The following ARB2A variants were observed in gnomAD, a reference collection of about 807,000 sequenced individuals.
ARB2A encodes cotranscriptional regulator ARB2A.
At chr5:93,845,192 T>C in the ARB2A span, among the ~76,000 whole-genome samples, 1 of 152,246 alleles carries the variant, frequency 6.6e-6, no homozygotes, top group Admixed American at 6.5e-5. Context: ...TATTAGCTTA[T>C]CTTCAACTAG....
chr5:93,957,106 C>T, the ARB2A span, among the ~76,000 whole-genome samples: 1 of 152,106 alleles, frequency 6.6e-6, no homozygotes, highest in African/African-American at 2.4e-5. Flanking sequence ...AAATGACTTA[C>T]TATTGTAATG....
the ARB2A span, among the ~76,000 whole-genome samples, chr5:93,994,905 C>CTAAATAAA: frequency 3.9e-3 from 580 of 149,616 alleles, 5 homozygotes; most frequent in African/African-American, 0.014. Context: ...GACCCTGTCT[C>CTAAATAAA]TAAATAAATA....
the ARB2A span, among the ~76,000 whole-genome samples, chr5:93,792,687 TC>T: frequency 2.6e-5 from 3 of 114,020 alleles, no homozygotes; most frequent in South Asian, 9.2e-4. Context: ...AACATCACAC[TC>T]TGGGGACTGT....
At chr5:94,038,546 T>A in the ARB2A span, among the ~76,000 whole-genome samples, 2 of 152,106 alleles carry the variant, frequency 1.3e-5, no homozygotes, top group Admixed American at 1.3e-4. Context: ...ACTGTGTGAA[T>A]GTAAAGAATA....
chr5:93,709,627 T>C, the ARB2A span, among the ~76,000 whole-genome samples: 1 of 88,532 alleles, frequency 1.1e-5, no homozygotes, highest in African/African-American at 5.9e-5. Flanking sequence ...GGTGAGACTC[T>C]GTCACAAAAA....
At chr5:93,799,179 A>C in the ARB2A span, among the ~76,000 whole-genome samples, 1 of 152,134 alleles carries the variant, frequency 6.6e-6, no homozygotes, top group Admixed American at 6.6e-5. Flanking sequence ...TGAAAAGATA[A>C]CATTGCAATG....
the ARB2A span, among the ~76,000 whole-genome samples, chr5:94,012,637 C>T: frequency 2.0e-5 from 3 of 152,100 alleles, no homozygotes; most frequent in Admixed American, 6.5e-5. Flanking sequence ...GGGAGCGACT[C>T]AAGAGCAGAA....
chr5:93,791,012 T>C, the ARB2A span, among the ~76,000 whole-genome samples: 1 of 152,192 alleles, frequency 6.6e-6, no homozygotes, highest in African/African-American at 2.4e-5. Context: ...CATCTCTAAT[T>C]TCTAAAATGT....
At chr5:93,989,946 C>G in the ARB2A span, among the ~76,000 whole-genome samples, 1 of 152,044 alleles carries the variant, frequency 6.6e-6, no homozygotes, top group Non-Finnish European at 1.5e-5. Context: ...AACAAACAAT[C>G]TCAAAGGCAA....
chr5:94,104,865 T>C, the ARB2A span, among the ~76,000 whole-genome samples: 1 of 152,028 alleles, frequency 6.6e-6, no homozygotes, highest in Admixed American at 6.6e-5. Context: ...TCAGTAAATG[T>C]GATTCAACAC....
chr5:93,913,575 T>A, the ARB2A span, among the ~76,000 whole-genome samples: 1 of 151,902 alleles, frequency 6.6e-6, no homozygotes, highest in South Asian at 2.1e-4. Flanking sequence ...ATTGCTTACT[T>A]CCTTAGAAAA....
At chr5:93,880,492 T>A in the ARB2A span, among the ~76,000 whole-genome samples, 1 of 151,796 alleles carries the variant, frequency 6.6e-6, no homozygotes, top group African/African-American at 2.4e-5. Flanking sequence ...ATTTGAAATG[T>A]TACTACTATC....
At chr5:94,060,181 C>T in the ARB2A span, among the ~76,000 whole-genome samples, 2 of 151,924 alleles carry the variant, frequency 1.3e-5, no homozygotes, top group Admixed American at 6.6e-5. Context: ...AACATGACCC[C>T]GTCTCTACTT....
At chr5:93,758,766 T>C in the ARB2A span, among the ~76,000 whole-genome samples, 11 of 152,114 alleles carry the variant, frequency 7.2e-5, no homozygotes, top group Non-Finnish European at 1.6e-4. Context: ...GGAAAGTTTA[T>C]AGCCCTAAAC....
the ARB2A span, among the ~76,000 whole-genome samples, chr5:94,027,575 C>A: frequency 1.3e-5 from 2 of 152,158 alleles, no homozygotes; most frequent in African/African-American, 2.4e-5. Flanking sequence ...AATAGTTAAA[C>A]ACACAGACGC....
At chr5:93,621,357 G>A in the ARB2A span, among the ~76,000 whole-genome samples, 6 of 152,106 alleles carry the variant, frequency 3.9e-5, no homozygotes, top group Non-Finnish European at 8.8e-5. Context: ...GGGCTGCGGG[G>A]TCACTTGCCC....
the ARB2A span, among the ~76,000 whole-genome samples, chr5:94,101,440 C>A: frequency 6.6e-6 from 1 of 152,144 alleles, no homozygotes; most frequent in Non-Finnish European, 1.5e-5. Flanking sequence ...AATACCATCA[C>A]CGGGTATACA....
At chr5:93,771,855 T>G in the ARB2A span, among the ~76,000 whole-genome samples, 452 of 152,274 alleles carry the variant, frequency 3.0e-3, no homozygotes, top group African/African-American at 0.01. Flanking sequence ...TACACTGTTG[T>G]TGGGACTGTA....
the ARB2A span, among the ~76,000 whole-genome samples, chr5:94,064,571 G>T: frequency 1.3e-5 from 2 of 152,108 alleles, no homozygotes; most frequent in East Asian, 1.9e-4. Flanking sequence ...GTCAAAGAAA[G>T]AATTCTAAAA....
Sources: gnomAD v4.1 joint callset for allele counts (sites outside exome capture counted in the v4.1 genomes callset) on GRCh38, gnomAD v4.1.1 for gene constraint, MANE v1.5 for transcripts, NCBI Gene and HGNC (gene_info 2026-07-23, HGNC 2026-07-21) for gene names.